Variants in NT5DC3 observed in about 807,000 individuals in gnomAD.
NT5DC3 encodes the protein 5'-nucleotidase domain-containing protein 3.
A neutral mutation model predicts 67.8 loss-of-function variants in NT5DC3; 42 were observed. That is an observed-to-expected ratio of 0.62 (90% CI 0.48 to 0.80). The LOEUF (loss-of-function observed/expected upper bound fraction) is 0.80, where lower values mean the gene tolerates loss of function less well. Among genes scored for constraint, NT5DC3 ranks in the 30% least tolerant of loss-of-function variants. NT5DC3 has a pLI of 0.00. For missense variants in NT5DC3, 570 were observed against 696.4 expected (o/e 0.82, Z 2.04); for synonymous variants, 237 against 255.6 (o/e 0.93, Z 0.69).
the NT5DC3 span, among the ~76,000 whole-genome samples, chr12:103,764,059 C>T: frequency 0.014 from 2,128 of 151,918 alleles, 54 homozygotes; most frequent in African/African-American, 0.049. Context: ...GATCTCGGCT[C>T]ATTGCAACCT....
chr12:103,823,206 G>A (rs1325700141), intron 1 of NT5DC3, among the ~76,000 whole-genome samples: 6 of 149,850 alleles, frequency 4.0e-5, no homozygotes, highest in East Asian at 2.0e-4. Flanking sequence ...AAAATTTCCC[G>A]GAGAATTTTA....
chr12:103,759,166 G>A, the NT5DC3 span: 7 of 1,613,942 alleles, frequency 4.3e-6, no homozygotes, highest in South Asian at 1.1e-5. Context: ...GCACCACCTC[G>A]CCAATGTCAG....
chr12:103,748,021 A>T, the NT5DC3 span, among the ~76,000 whole-genome samples: 1 of 151,548 alleles, frequency 6.6e-6, no homozygotes, highest in African/African-American at 2.4e-5. Context: ...AAAAGGGAAG[A>T]AGAAGAAGAA....
intron 4 of NT5DC3, among the ~76,000 whole-genome samples, chr12:103,802,809 G>A (rs1886640166): frequency 6.6e-6 from 1 of 152,160 alleles, no homozygotes; most frequent in Non-Finnish European, 1.5e-5. Context: ...GTAAGTCAAG[G>A]AGCTGTGTAT....
chr12:103,816,187 C>T (rs752790593), intron 1 of NT5DC3, among the ~76,000 whole-genome samples: 23 of 152,200 alleles, frequency 1.5e-4, no homozygotes, highest in Non-Finnish European at 2.8e-4. Context: ...CGTTTGGGAA[C>T]AGGACCATTT....
chr12:103,770,786 CA>C, downstream of NT5DC3: 1 of 152,312 alleles, frequency 6.6e-6, no homozygotes, highest in Non-Finnish European at 1.5e-5. Flanking sequence ...TTGTGACCCC[CA>C]AAATTCCTGT....
chr12:103,831,525 G>GCCC (rs563976934), intron 1 of NT5DC3, among the ~76,000 whole-genome samples: 61 of 152,038 alleles, frequency 4.0e-4, no homozygotes, highest in African/African-American at 1.4e-3. Flanking sequence ...TCCAAAACCT[G>GCCC]CCCCCCCACA....
the NT5DC3 span, among the ~76,000 whole-genome samples, chr12:103,762,950 T>C: frequency 1.3e-5 from 2 of 152,200 alleles, no homozygotes. Flanking sequence ...TGAGCATCTT[T>C]CCTTATGGAC....
the NT5DC3 span, chr12:103,755,171 G>A: frequency 7.9e-7 from 1 of 1,263,798 alleles, no homozygotes. Context: ...TGTGTGCCAG[G>A]CACAGAGGTG....
downstream of NT5DC3, among the ~76,000 whole-genome samples, chr12:103,767,375 G>GAT (rs1310545201): frequency 6.6e-6 from 1 of 152,178 alleles, no homozygotes; most frequent in Non-Finnish European, 1.5e-5. Context: ...ATTGATGATT[G>GAT]ATAGAGACAG....
intron 4 of NT5DC3, among the ~76,000 whole-genome samples, chr12:103,806,034 C>T (rs978590908): frequency 6.6e-6 from 1 of 152,004 alleles, no homozygotes; most frequent in Admixed American, 6.6e-5. Flanking sequence ...AGACTGCTCC[C>T]GACCTCTGAG....
At chr12:103,793,703 C>T (rs1313929423) in intron 7 of NT5DC3, among the ~76,000 whole-genome samples, 191 bp from the exon 8 acceptor site, 3 of 152,154 alleles carry the variant, frequency 2.0e-5, no homozygotes, top group Non-Finnish European at 2.9e-5. Flanking sequence ...CCTGCCTCCT[C>T]GGTCTAAGTG....
At chr12:103,758,169 G>A in the NT5DC3 span, 29 of 1,613,878 alleles carry the variant, frequency 1.8e-5, no homozygotes, top group Non-Finnish European at 2.0e-5. Context: ...CTTCTCCCCA[G>A]GAAGTGCTGG....
At chr12:103,765,504 T>C (rs1202414214), downstream of NT5DC3, among the ~76,000 whole-genome samples, 1 of 152,242 alleles carries the variant, frequency 6.6e-6, no homozygotes, top group African/African-American at 2.4e-5. Flanking sequence ...ATTATGCTAA[T>C]TGACAAAGCC....
intron 9 of NT5DC3, 137 bp downstream of exon 9, chr12:103,793,027 G>T: frequency 2.9e-6 from 2 of 688,232 alleles, no homozygotes; most frequent in Non-Finnish European, 5.1e-6. Flanking sequence ...ATGATTACTT[G>T]CTAGAAGGGT....
intron 2 of NT5DC3, among the ~76,000 whole-genome samples, chr12:103,808,779 C>G (rs1886908018): frequency 1.3e-5 from 2 of 152,236 alleles, no homozygotes; most frequent in Non-Finnish European, 2.9e-5. Context: ...GGGACTTCAG[C>G]AGCTCTGCAA....
In NT5DC3 at chr12:103,804,924, G is replaced by A. The variant is rs550357067; in HGVS notation, c.524+1398C>T. 4.9e-4 allele frequency among the ~76,000 whole-genome samples: 75 copies of A among 152,306 alleles called. 1 individual carries two copies. The Middle Eastern group carries it at 0.02, about 41-fold the overall frequency. On this transcript the variant is annotated intron_variant, in intron 4 of 13. Transcript: ENST00000392876. Reference sequence around the variant, plus strand: ...AAACTAGCCGGGCGTGGCGGCACATGCCTGTAATCCCAGCTCTTTGGGAGG... The same window carrying A: ...AAACTAGCCGGGCGTGGCGGCACATACCTGTAATCCCAGCTCTTTGGGAGG...
the NT5DC3 span, chr12:103,755,207 GT>G: frequency 3.9e-6 from 6 of 1,526,916 alleles, no homozygotes; most frequent in African/African-American, 6.8e-5. Context: ...GACTTTATGG[GT>G]TTTATGGCCT....
chr12:103,762,130 C>G, the NT5DC3 span: 2 of 1,093,640 alleles, frequency 1.8e-6, no homozygotes, highest in Non-Finnish European at 2.6e-6. Flanking sequence ...GTATTAGACC[C>G]TGGCAGTAAT....
Sources: allele counts gnomAD v4.1 joint callset (sites outside exome capture counted in the v4.1 genomes callset), GRCh38; gene constraint gnomAD v4.1.1; transcripts MANE v1.5; gene names NCBI Gene and HGNC (gene_info 2026-07-23, HGNC 2026-07-21).